The following GMDS variants were observed in gnomAD, a reference collection of about 807,000 sequenced individuals.
GMDS encodes GDP-mannose 4,6 dehydratase.
GMDS carries 20 observed loss-of-function variants against 49.9 expected under a neutral mutation model. The observed-to-expected ratio is 0.40, with a 90% CI of 0.28 to 0.58. The LOEUF (loss-of-function observed/expected upper bound fraction) is 0.58. GMDS is among the 20% of genes least tolerant of loss of function. GMDS has a pLI of 0.42. For synonymous variants in GMDS, 177 were observed against 178.6 expected (o/e 0.99, Z 0.07); for missense variants, 362 against 481.4 (o/e 0.75, Z 2.32).
chr6:2,140,745 CA>C (rs1776243388), intron 1 of GMDS, among the ~76,000 whole-genome samples: 1 of 152,190 alleles, frequency 6.6e-6, no homozygotes, highest in Non-Finnish European at 1.5e-5. Context: ...TTTATTCAAA[CA>C]ATGCAAAAAC....
rs546148904 is a variant in GMDS at position 2,015,350 on chromosome 6, G to C, written c.346-54384C>G. Among the ~76,000 whole-genome samples, 8 of 152,128 alleles carry C rather than the reference G, an allele frequency of 5.3e-5. No homozygotes were observed. In the East Asian group the frequency reaches 1.5e-3, roughly 29 times the overall value. ...AAACAGAAATTAAACTGTGCCCCCA[G>C]ATCACAACAAAATTAAATTTAGAAA... On this transcript the variant is annotated intron_variant, in intron 4 of 10. Transcript: ENST00000380815.
At chr6:1,877,842 G>A (rs1368815143) in intron 7 of GMDS, among the ~76,000 whole-genome samples, 1 of 152,028 alleles carries the variant, frequency 6.6e-6, no homozygotes, top group South Asian at 2.1e-4. Flanking sequence ...CATTTGGAAA[G>A]TAAAATTATA....
intron 4 of GMDS, among the ~76,000 whole-genome samples, chr6:2,046,991 T>G (rs529946653): frequency 6.6e-6 from 1 of 152,320 alleles, no homozygotes; most frequent in Admixed American, 6.5e-5. Flanking sequence ...TCTACTCATG[T>G]ATACTCATGA....
At chr6:1,711,272 T>A (rs1765951343) in intron 9 of GMDS, among the ~76,000 whole-genome samples, 1 of 152,182 alleles carries the variant, frequency 6.6e-6, no homozygotes, top group African/African-American at 2.4e-5. Context: ...TGCCTCAGGA[T>A]CCCTGCAGAG....
intron 1 of GMDS, among the ~76,000 whole-genome samples, chr6:2,228,435 A>C (rs115275097): frequency 6.6e-6 from 1 of 152,214 alleles, no homozygotes; most frequent in Non-Finnish European, 1.5e-5. Context: ...TTTTTTAAAC[A>C]GGTAAAACTG....
chr6:2,104,918 C>T (rs1213877472), intron 4 of GMDS, among the ~76,000 whole-genome samples: 1 of 152,026 alleles, frequency 6.6e-6, no homozygotes, highest in Non-Finnish European at 1.5e-5. Flanking sequence ...TGCGGTGGCT[C>T]ACGCCTATAA....
intron 7 of GMDS, among the ~76,000 whole-genome samples, chr6:1,922,208 G>C (rs1410784043): frequency 6.6e-6 from 1 of 152,160 alleles, no homozygotes; most frequent in African/African-American, 2.4e-5. Context: ...AGACAGGAAC[G>C]ATGTTGTTAA....
At chr6:1,916,168 C>T (rs1021380049) in intron 7 of GMDS, among the ~76,000 whole-genome samples, 5 of 152,170 alleles carry the variant, frequency 3.3e-5, no homozygotes, top group African/African-American at 9.7e-5. Context: ...GTTTTTGCTA[C>T]CCCATTCTAG....
intron 4 of GMDS, among the ~76,000 whole-genome samples, chr6:2,092,118 T>C (rs1019652583): frequency 1.5e-4 from 23 of 152,142 alleles, no homozygotes; most frequent in African/African-American, 5.6e-4. Flanking sequence ...ATGTGTAAAA[T>C]AAGCTATGGA....
intron 9 of GMDS, among the ~76,000 whole-genome samples, chr6:1,673,857 T>C (rs1764505107): frequency 6.6e-6 from 1 of 152,028 alleles, no homozygotes. Context: ...CCATGGCCTT[T>C]CATGGCTTGA....
intron 4 of GMDS, among the ~76,000 whole-genome samples, chr6:2,080,797 A>C (rs1772646788): frequency 1.3e-5 from 2 of 152,204 alleles, no homozygotes; most frequent in Non-Finnish European, 2.9e-5. Flanking sequence ...GGAAAGTATA[A>C]AAATGCGAAG....
rs557469793 is a variant in GMDS, at chr6:2,129,530, C to T, written c.103-4799G>A. 2.0e-5 allele frequency among the ~76,000 whole-genome samples: 3 copies of T among 152,318 alleles called. No homozygotes were observed. The South Asian group carries it at 6.2e-4, about 32-fold the overall frequency. ...TCATGGTACTGGGCTAAAGAAACCA[C>T]ACCACTAATAAAACGAATCTCTTTG... is the stretch of plus-strand genomic sequence containing the variant. On this transcript the variant is annotated intron_variant, in intron 1 of 10. Coordinates refer to ENST00000380815, the MANE Select transcript of GMDS (RefSeq NM_001500.4).
At chr6:2,051,809 T>G (rs541970604) in intron 4 of GMDS, among the ~76,000 whole-genome samples, 37 of 152,188 alleles carry the variant, frequency 2.4e-4, no homozygotes, top group Non-Finnish European at 3.1e-4. Context: ...TTCCATCTGC[T>G]TCTAGCAGGT....
chr6:2,034,077 AATAG>A (rs1769136542), intron 4 of GMDS, among the ~76,000 whole-genome samples: 1 of 152,198 alleles, frequency 6.6e-6, no homozygotes, highest in South Asian at 2.1e-4. Context: ...TTTAATGATA[AATAG>A]ATATATGTAT....
chr6:2,074,113 T>C (rs148631796), intron 4 of GMDS, among the ~76,000 whole-genome samples: 1 of 152,348 alleles, frequency 6.6e-6, no homozygotes, highest in African/African-American at 2.4e-5. Flanking sequence ...TAAGTGGTTG[T>C]ATTAATTCAC....
At chr6:2,176,757 C>G (rs1778302406) in intron 1 of GMDS, among the ~76,000 whole-genome samples, 1 of 152,104 alleles carries the variant, frequency 6.6e-6, no homozygotes, top group South Asian at 2.1e-4. Context: ...GGAATTGGCC[C>G]AGAAGTAATT....
chr6:1,866,338 AG>A (rs1758440664), intron 7 of GMDS, among the ~76,000 whole-genome samples: 1 of 152,248 alleles, frequency 6.6e-6, no homozygotes, highest in Non-Finnish European at 1.5e-5. Context: ...TACTTAGCGA[AG>A]GGTATACATT....
chr6:1,839,667 T>G (rs1031116894), intron 7 of GMDS, among the ~76,000 whole-genome samples: 3 of 152,226 alleles, frequency 2.0e-5, no homozygotes, highest in African/African-American at 7.2e-5. Context: ...CCAACTGATG[T>G]TGTAATTTTC....
intron 1 of GMDS, among the ~76,000 whole-genome samples, chr6:2,189,303 G>C (rs1260419253): frequency 3.9e-5 from 6 of 152,194 alleles, no homozygotes; most frequent in Non-Finnish European, 7.3e-5. Flanking sequence ...TGAGAGGAAG[G>C]AGACCGTCAG....
Sources: allele counts gnomAD v4.1 joint callset (sites outside exome capture counted in the v4.1 genomes callset), GRCh38; gene constraint gnomAD v4.1.1; transcripts MANE v1.5; gene names NCBI Gene and HGNC (gene_info 2026-07-23, HGNC 2026-07-21).